The following GLRX3 variants were observed in gnomAD, a reference collection of about 807,000 sequenced individuals.
The protein encoded by GLRX3 is glutaredoxin-3.
GLRX3 carries 22 observed loss-of-function variants against 49.5 expected under a neutral mutation model. The observed-to-expected ratio is 0.44, with a 90% CI of 0.32 to 0.63. The LOEUF is 0.63. GLRX3 is among the 30% of genes least tolerant of loss of function. GLRX3 has a pLI of 0.05. For missense variants in GLRX3, 385 were observed against 396.3 expected (o/e 0.97, Z 0.24); for synonymous variants, 133 against 140.0 (o/e 0.95, Z 0.35).
intron 4 of GLRX3, among the ~76,000 whole-genome samples, chr10:130,164,438 C>A (rs964593575): frequency 6.6e-6 from 1 of 152,098 alleles, no homozygotes; most frequent in Admixed American, 6.6e-5. Context: ...GTCATCCAGC[C>A]GGGCTCTTAC....
At chr10:130,137,511 C>T (rs1185895232) in intron 1 of GLRX3, among the ~76,000 whole-genome samples, 1 of 152,140 alleles carries the variant, frequency 6.6e-6, no homozygotes, top group Non-Finnish European at 1.5e-5. Context: ...CACTCAGTAG[C>T]CATGTAACCC....
chr10:130,148,866 C>G (rs562487938), intron 2 of GLRX3, among the ~76,000 whole-genome samples: 4 of 151,838 alleles, frequency 2.6e-5, no homozygotes, highest in Non-Finnish European at 5.9e-5. Context: ...AGTTCGAGAC[C>G]AGCCTGGGCA....
intron 1 of GLRX3, among the ~76,000 whole-genome samples, chr10:130,138,847 G>GT (rs61152449): frequency 0.27 from 26,058 of 95,510 alleles, 1,063 homozygotes; most frequent in South Asian, 0.29. Flanking sequence ...GAATAAAAGT[G>GT]TTTTTTTTTT....
At chr10:130,141,737 T>C (rs1233195971) in intron 1 of GLRX3, among the ~76,000 whole-genome samples, 2 of 152,198 alleles carry the variant, frequency 1.3e-5, no homozygotes, top group African/African-American at 4.8e-5. Context: ...CCAGTTTTGA[T>C]TTATTATGTA....
At chr10:130,163,517 T>C (rs1862617978) in intron 4 of GLRX3, among the ~76,000 whole-genome samples, 1 of 152,194 alleles carries the variant, frequency 6.6e-6, no homozygotes, top group African/African-American at 2.4e-5. Context: ...ATACATATGG[T>C]TGAATGGTTA....
At chr10:130,154,237 C>T (rs537670068) in intron 2 of GLRX3, among the ~76,000 whole-genome samples, 1 of 152,224 alleles carries the variant, frequency 6.6e-6, no homozygotes, top group African/African-American at 2.4e-5. Context: ...GGTACAATCA[C>T]TCATGGCTTC....
chr10:130,164,079 G>T (rs977095348), intron 4 of GLRX3, among the ~76,000 whole-genome samples: 6 of 152,132 alleles, frequency 3.9e-5, no homozygotes, highest in African/African-American at 1.4e-4. Context: ...CTCTCCTGGA[G>T]CCCCACTGGA....
chr10:130,152,307 C>T lies in GLRX3; in HGVS notation c.201+6988C>T, dbSNP rs146017834. ...GTGCTGGAATTACAGGCATGAACCA[C>T]TACACCCAGTCTGTTACATGTGAAT... On this transcript the variant is annotated intron_variant, in intron 2 of 10. Coordinates refer to ENST00000331244, the MANE Select transcript of GLRX3 (RefSeq NM_006541.5). 1.6e-3 allele frequency among the ~76,000 whole-genome samples: 243 copies of T among 152,304 alleles called. 1 individual carries two copies. Among genetic ancestry groups the T allele is most frequent in the African/African-American group, 4.7e-3 (196 of 41,570 alleles).
At chr10:130,168,636 C>T (rs967045051) in intron 6 of GLRX3, among the ~76,000 whole-genome samples, 39 of 152,136 alleles carry the variant, frequency 2.6e-4, no homozygotes, top group Non-Finnish European at 8.8e-5. Context: ...TTAGTGGAGA[C>T]GGGGTTTCAC....
At chr10:130,166,430 G>A (rs1862690450) in intron 4 of GLRX3, 77 bp from the exon 5 acceptor site, 3 of 1,015,990 alleles carry the variant, frequency 3.0e-6, no homozygotes, top group South Asian at 1.4e-5. Flanking sequence ...TGATATGTAC[G>A]CTGAACTAAT....
chr10:130,160,832 GC>G lies in GLRX3; in HGVS notation c.317del (p.Pro106GlnfsTer3). On this transcript the variant is annotated frameshift_variant, in exon 4 of 11. Coordinates refer to ENST00000331244, the MANE Select transcript of GLRX3 (RefSeq NM_006541.5). LOFTEE classifies it high-confidence loss of function. ...QKIDRLDGAH[A>X]PELTKKVQRH... is the part of the protein sequence containing the mutation. ...AATCGACCGATTAGATGGTGCACAT[GC>G]CCCAGAGTTGACCAAAAAAGTTCAG... is the stretch of plus-strand genomic sequence containing the variant. 1 of 1,608,370 alleles carries G rather than the reference GC, an allele frequency of 6.2e-7. No homozygotes were observed. The highest frequency in any genetic ancestry group is 8.5e-7 in the Non-Finnish European group (1 of 1,174,794).
At chr10:130,151,151 C>T (rs941408956) in intron 2 of GLRX3, among the ~76,000 whole-genome samples, 126 of 152,188 alleles carry the variant, frequency 8.3e-4, no homozygotes, top group African/African-American at 2.9e-3. Flanking sequence ...TGGTTTCGAA[C>T]TCATGACCTC....
intron 4 of GLRX3, among the ~76,000 whole-genome samples, chr10:130,163,073 A>G (rs1862607502): frequency 6.6e-6 from 1 of 152,162 alleles, no homozygotes; most frequent in Admixed American, 6.5e-5. Context: ...AATTATGTTT[A>G]TTATAATGGA....
chr10:130,136,434 C>G lies in GLRX3; in HGVS notation c.14C>G (p.Ala5Gly). Residue 5 changes from alanine (A) to glycine (G), a missense_variant, in exon 1 of 11, where the codon GCG (alanine) becomes GGG (glycine). Ala to Gly is a moderately conservative substitution (Grantham distance 60, BLOSUM62 0). This residue lies in a region of GLRX3 where 374 missense variants were observed against 358.6 expected (regional missense o/e 1.04). Coordinates refer to ENST00000331244, the MANE Select transcript of GLRX3 (RefSeq NM_006541.5). The part of the protein sequence containing the change: MAAG[A>G]AEAAVAAVEE... Reference sequence around the variant, plus strand: ...GGCGGCGGCAGCATGGCGGCGGGGGCGGCTGAGGCAGCTGTAGCGGCCGTG... The same window carrying G: ...GGCGGCGGCAGCATGGCGGCGGGGGGGGCTGAGGCAGCTGTAGCGGCCGTG... The G allele has an allele frequency of 8.0e-7, 1 of 1,255,564 alleles. No individual in the cohort carries two copies. Among genetic ancestry groups the G allele is most frequent in the Middle Eastern group, 3.1e-4 (1 of 3,246 alleles). 77.8% of individuals were successfully genotyped at this position (1,255,564 alleles called of 1,614,324 possible).
At chr10:130,162,139 G>A (rs555748595) in intron 4 of GLRX3, among the ~76,000 whole-genome samples, 25 of 152,048 alleles carry the variant, frequency 1.6e-4, no homozygotes, top group Admixed American at 3.9e-4. Context: ...CACCATGCCC[G>A]GCTAATTTTT....
chr10:130,142,405 T>G (rs72848308), intron 1 of GLRX3, among the ~76,000 whole-genome samples: 14,332 of 152,124 alleles, frequency 0.094, 837 homozygotes, highest in Non-Finnish European at 0.12. Flanking sequence ...GGAGACTGCC[T>G]TCTTCTTCTT....
intron 1 of GLRX3, among the ~76,000 whole-genome samples, chr10:130,144,286 C>CTTTT (rs111691897): frequency 6.9e-5 from 8 of 116,234 alleles, no homozygotes; most frequent in African/African-American, 2.2e-4. Context: ...ATTTGCCTGG[C>CTTTT]TTTTTTTTTT....
intron 1 of GLRX3, among the ~76,000 whole-genome samples, chr10:130,138,456 GT>G (rs1339521565): frequency 6.6e-6 from 1 of 152,208 alleles, no homozygotes; most frequent in East Asian, 1.9e-4. Flanking sequence ...GAGATGGGGT[GT>G]TGCCTTTGGA....
intron 2 of GLRX3, among the ~76,000 whole-genome samples, chr10:130,147,171 G>A (rs996939641): frequency 1.2e-4 from 18 of 152,152 alleles, no homozygotes; most frequent in African/African-American, 2.4e-5. Flanking sequence ...ACCCTAAAAT[G>A]TCCAATATAA....
Sources: allele counts gnomAD v4.1 joint callset (sites outside exome capture counted in the v4.1 genomes callset), GRCh38; gene constraint gnomAD v4.1.1; regional missense constraint gnomAD v4.1.1; transcripts MANE v1.5; gene names NCBI Gene and HGNC (gene_info 2026-07-23, HGNC 2026-07-21).